The following NCKAP1L variants were observed in gnomAD, a reference collection of about 807,000 sequenced individuals.
The protein encoded by NCKAP1L is NCK associated protein 1 like.
In NCKAP1L, 53 loss-of-function variants were observed where a neutral mutation model predicts 139.2. That is an observed-to-expected ratio of 0.38 (90% confidence interval 0.31 to 0.48). The LOEUF (loss-of-function observed/expected upper bound fraction) is 0.48, where lower values mean the gene tolerates loss of function less well. Among genes scored for constraint, NCKAP1L ranks in the 20% least tolerant of loss-of-function variants. The pLI is 0.98. For synonymous variants in NCKAP1L, 468 were observed against 499.7 expected (o/e 0.94, Z 0.85); for missense variants, 1,151 against 1,381.9 (o/e 0.83, Z 2.65).
At chr12:54,528,929 C>A (rs1000010931) in intron 22 of NCKAP1L, among the ~76,000 whole-genome samples, 1 of 152,122 alleles carries the variant, frequency 6.6e-6, no homozygotes. Flanking sequence ...GCCACCACCC[C>A]CAGCCAGCGT....
At chr12:54,498,457 G>C (rs1882486) in intron 1 of NCKAP1L, among the ~76,000 whole-genome samples, 2,450 of 149,588 alleles carry the variant, frequency 0.016, 81 homozygotes, top group African/African-American at 0.057. Context: ...CTGAGGAATT[G>C]AAAGAAGCTA....
At position 54,526,445 on chromosome 12, in the gene NCKAP1L, T is replaced by G. The variant is rs1957026187; in HGVS notation, c.2157-83T>G. On this transcript the variant is annotated intron_variant, in intron 20 of 30. Coordinates refer to ENST00000293373, the MANE Select transcript of NCKAP1L (RefSeq NM_005337.5). Reference sequence around the variant, plus strand: ...TGTAGTAAAATCCTAGCACAGCACCTGGAACACAATATACACTCAACAATT... The same window carrying G: ...TGTAGTAAAATCCTAGCACAGCACCGGGAACACAATATACACTCAACAATT... 20 of 1,111,112 alleles carry G rather than the reference T, an allele frequency of 1.8e-5. No individual in the cohort carries two copies. In the South Asian group the frequency reaches 2.5e-4, roughly 14 times the overall value. 68.8% of individuals were successfully genotyped at this position (1,111,112 alleles called of 1,614,324 possible). A position where few individuals can be genotyped will look rare whatever the true frequency, so the allele number is the denominator to read the frequency against.
chr12:54,546,948 C>T lies in NCKAP1L; in HGVS notation c.*4263C>T, dbSNP rs1008668104. 1.3e-5 allele frequency: 2 copies of T among 152,166 alleles called. No homozygotes were observed. The highest frequency in any genetic ancestry group is 4.8e-5 in the African/African-American group (2 of 41,410). The allele number at this position is 152,166 out of a possible 1,614,324, so 9.4% of individuals were successfully genotyped here. Reference sequence around the variant, plus strand: ...GCAGATCACATCCATCCGTCACCTACTGCCAAAGCATCATTTTTGGTTTCT... The same window carrying T: ...GCAGATCACATCCATCCGTCACCTATTGCCAAAGCATCATTTTTGGTTTCT... On this transcript the variant is annotated 3_prime_UTR_variant, in exon 31 of 31. Transcript: ENST00000293373.
intron 21 of NCKAP1L, 47 bp downstream of exon 21, chr12:54,526,793 T>C (rs775869366): frequency 3.8e-5 from 59 of 1,541,266 alleles, no homozygotes; most frequent in Non-Finnish European, 4.7e-5. Context: ...GTGTTGGCAC[T>C]TTTTCCTTTA....
chr12:54,527,681 C>G (rs1957037293), intron 21 of NCKAP1L, among the ~76,000 whole-genome samples: 1 of 152,154 alleles, frequency 6.6e-6, no homozygotes, highest in South Asian at 2.1e-4. Context: ...TGACAGTTAG[C>G]TTGTGATGTC....
intron 16 of NCKAP1L, among the ~76,000 whole-genome samples, chr12:54,520,351 G>A (rs1956971553): frequency 6.6e-6 from 1 of 152,148 alleles, no homozygotes; most frequent in South Asian, 2.1e-4. Context: ...CACTACTGAA[G>A]GACTTCTAAA....
chr12:54,501,871 T>C (rs1956800587), intron 3 of NCKAP1L, among the ~76,000 whole-genome samples: 1 of 152,244 alleles, frequency 6.6e-6, no homozygotes, highest in Non-Finnish European at 1.5e-5. Flanking sequence ...GCATAAGGGC[T>C]ATAATTCCTC....
chr12:54,501,590 G>A (rs936839665), intron 3 of NCKAP1L, among the ~76,000 whole-genome samples: 8 of 151,426 alleles, frequency 5.3e-5, no homozygotes, highest in African/African-American at 1.5e-4. Flanking sequence ...CTGCTGCCTC[G>A]ACCTCCTAGG....
At chr12:54,532,774 A>G (rs1035497175) in intron 26 of NCKAP1L, among the ~76,000 whole-genome samples, 5 of 152,144 alleles carry the variant, frequency 3.3e-5, no homozygotes, top group Admixed American at 3.3e-4. Context: ...GAGAGGAAGA[A>G]GGGCTTCCAC....
At chr12:54,522,656 G>T (rs1420063280) in intron 18 of NCKAP1L, among the ~76,000 whole-genome samples, 2 of 152,238 alleles carry the variant, frequency 1.3e-5, no homozygotes, top group Middle Eastern at 3.4e-3. Flanking sequence ...AAGAAGGCAC[G>T]ACTAAAAGTA....
At chr12:54,517,209 C>T (rs1956940512) in intron 11 of NCKAP1L, among the ~76,000 whole-genome samples, 1 of 152,176 alleles carries the variant, frequency 6.6e-6, no homozygotes, top group Non-Finnish European at 1.5e-5. Flanking sequence ...TACTTTTATA[C>T]ATGTCTTATC....
At chr12:54,524,460 C>T (rs1957011520) in intron 20 of NCKAP1L, among the ~76,000 whole-genome samples, 1 of 152,214 alleles carries the variant, frequency 6.6e-6, no homozygotes, top group African/African-American at 2.4e-5. Flanking sequence ...CTAGCTTCCA[C>T]TTTGCGCTTC....
In NCKAP1L at chr12:54,516,981, C is replaced by A; in HGVS notation, c.1084C>A (p.Leu362Met). 3.7e-6 allele frequency: 6 copies of A among 1,611,806 alleles called. No individual in the cohort carries two copies. The highest frequency in any genetic ancestry group is 5.1e-6 in the Non-Finnish European group (6 of 1,178,488). ...ETVLADEPGL[L>M]GPKALFAFMA... ...TGTGTTGGCTGATGAACCGGGACTA[C>A]TGGGTCCTAAGGCAAGAGGAAGAAA... The change falls in exon 11 of 31, where the codon CTG becomes ATG. Residue 362 changes from leucine (L) to methionine (M), a missense_variant. Transcript: ENST00000293373.
chr12:54,511,987 A>G lies in NCKAP1L; in HGVS notation c.823A>G (p.Ser275Gly). 2 of 1,614,208 alleles carry G rather than the reference A, an allele frequency of 1.2e-6. No individual in the cohort carries two copies. Among genetic ancestry groups the G allele is most frequent in the Non-Finnish European group, 1.7e-6 (2 of 1,180,042 alleles). The change falls in exon 9 of 31, where the codon AGC (serine) becomes GGC (glycine). Residue 275 changes from serine to glycine, a missense_variant. Coordinates refer to ENST00000293373, the MANE Select transcript of NCKAP1L (RefSeq NM_005337.5). ...TTGTCATGGGTGCCTCAACTCCAATAGCCAGTGCCAGAAGCTGTGGAAGCT... is the reference window on the plus strand; with the variant it reads ...TTGTCATGGGTGCCTCAACTCCAATGGCCAGTGCCAGAAGCTGTGGAAGCT... ...LLCHGCLNSNSQCQKLWKLCL... is the reference protein window; with the variant it reads ...LLCHGCLNSNGQCQKLWKLCL...
intron 14 of NCKAP1L, 21 bp from the exon 15 acceptor site, chr12:54,518,893 A>G (rs879706410): frequency 1.9e-6 from 3 of 1,609,794 alleles, no homozygotes; most frequent in Non-Finnish European, 2.6e-6. Flanking sequence ...GTTTCCTTTT[A>G]TACTTCCGTT....
chr12:54,519,128 G>A, intron 15 of NCKAP1L, 59 bp from the exon 16 acceptor site: 2 of 1,558,796 alleles, frequency 1.3e-6, no homozygotes, highest in Non-Finnish European at 1.7e-6. Flanking sequence ...TAATTCCAAG[G>A]CTGGGGGCCT....
At position 54,506,796 on chromosome 12, in the gene NCKAP1L, A is replaced by AAAAAATATATATAT; in HGVS notation, c.307-1056_307-1055insAAAATATATATATA. On this transcript the variant is annotated intron_variant, in intron 3 of 30. Coordinates refer to ENST00000293373, the MANE Select transcript of NCKAP1L (RefSeq NM_005337.5). ...TTTTGGCAACATATTAAAAAAAAAAAATATATATATATATATATATATATA... is the reference window on the plus strand; with the variant it reads ...TTTTGGCAACATATTAAAAAAAAAAAAAAAATATATATATATATATATATATATATATATATATA... Among the ~76,000 whole-genome samples, 249 of 50,582 alleles carry AAAAAATATATATAT rather than the reference A, an allele frequency of 4.9e-3. 4 individuals carry two copies. The highest frequency in any genetic ancestry group is 8.0e-3 in the African/African-American group (72 of 9,052). 33.2% of individuals were successfully genotyped at this position (50,582 alleles called of 152,430 possible). A position where few individuals can be genotyped will look rare whatever the true frequency, so the allele number is the denominator to read the frequency against.
chr12:54,508,186 C>G (rs929855389), intron 4 of NCKAP1L, among the ~76,000 whole-genome samples: 4 of 152,172 alleles, frequency 2.6e-5, no homozygotes, highest in Non-Finnish European at 5.9e-5. Context: ...ACCTTATTTC[C>G]TGGCCTCCTT....
intron 30 of NCKAP1L, among the ~76,000 whole-genome samples, chr12:54,539,628 C>T (rs1366088671): frequency 1.3e-5 from 2 of 152,168 alleles, no homozygotes; most frequent in Non-Finnish European, 1.5e-5. Flanking sequence ...CACTCTTTTG[C>T]TCTGATTCTC....
Sources: gnomAD v4.1 joint callset for allele counts (sites outside exome capture counted in the v4.1 genomes callset) on GRCh38, gnomAD v4.1.1 for gene constraint, MANE v1.5 for transcripts, NCBI Gene and HGNC (gene_info 2026-07-23, HGNC 2026-07-21) for gene names.